RHPN2: variants seen among roughly 807,000 people sequenced by gnomAD.
The protein encoded by RHPN2 is rhophilin-2.
A neutral mutation model predicts 79.0 loss-of-function variants in RHPN2; 40 were observed. That is an observed-to-expected ratio of 0.51 (90% CI 0.39 to 0.66). The LOEUF is 0.66. RHPN2 is among the 30% of genes least tolerant of loss of function. The probability of loss-of-function intolerance (pLI) is 0.00; values close to 1 mark genes in which losing one functional copy is unlikely to be tolerated. For synonymous variants in RHPN2, 285 were observed against 363.5 expected (o/e 0.78, Z 2.46); for missense variants, 686 against 883.5 (o/e 0.78, Z 2.83).
intron 4 of RHPN2, among the ~76,000 whole-genome samples, chr19:33,020,262 A>T (rs1971912399): frequency 2.0e-5 from 3 of 151,870 alleles, no homozygotes; most frequent in Non-Finnish European, 2.9e-5. Flanking sequence ...GTGAATTGAC[A>T]TCTTTGATTT....
chr19:33,041,371 T>G (rs1972098951), intron 2 of RHPN2, among the ~76,000 whole-genome samples: 1 of 152,202 alleles, frequency 6.6e-6, no homozygotes, highest in Admixed American at 6.5e-5. Flanking sequence ...GAGCGGAGCT[T>G]GGCAAAATGC....
At chr19:33,063,778 T>G (rs966870640) in intron 1 of RHPN2, among the ~76,000 whole-genome samples, 21 of 83,448 alleles carry the variant, frequency 2.5e-4, no homozygotes, top group African/African-American at 1.8e-3. Flanking sequence ...CTCCTGGACA[T>G]GCCAAGAACC....
intron 3 of RHPN2, among the ~76,000 whole-genome samples, chr19:33,025,981 G>GTTTTTT (rs71340523): frequency 1.0e-4 from 13 of 129,080 alleles, no homozygotes; most frequent in Non-Finnish European, 8.1e-5. Flanking sequence ...GTGTTCATTT[G>GTTTTTT]TTTTTTTTTT....
chr19:33,059,199 C>T (rs1599838476), intron 1 of RHPN2, among the ~76,000 whole-genome samples: 1 of 152,068 alleles, frequency 6.6e-6, no homozygotes, highest in African/African-American at 2.4e-5. Context: ...TGGCAATCTT[C>T]ACCCCCCGCC....
At position 33,026,516 on chromosome 19, in the gene RHPN2, T is replaced by C; in HGVS notation, c.302A>G (p.Tyr101Cys). The change falls in exon 3 of 15, where the codon TAT becomes TGT. Residue 101 changes from tyrosine (Y) to cysteine (C), a missense_variant. Tyr to Cys is a radical substitution (Grantham distance 194, BLOSUM62 -2). Transcript: ENST00000254260. Reference sequence around the variant, plus strand: ...TGCTCCCACTTACTCTGTGTTCTGATAGACGCCCACCGAGATGTTCAGCCC... The same window carrying C: ...TGCTCCCACTTACTCTGTGTTCTGACAGACGCCCACCGAGATGTTCAGCCC... ...LEGLNISVGV[Y>C]QNTEEAFTIP... The C allele has an allele frequency of 6.3e-7, 1 of 1,587,156 alleles. No individual in the cohort carries two copies. Among genetic ancestry groups the C allele is most frequent in the Non-Finnish European group, 8.5e-7 (1 of 1,171,112 alleles).
intron 1 of RHPN2, among the ~76,000 whole-genome samples, chr19:33,058,996 G>T (rs1189043814): frequency 1.3e-5 from 2 of 152,078 alleles, no homozygotes; most frequent in African/African-American, 4.8e-5. Context: ...TCAGGTGGCT[G>T]AGGCATGAGA....
At chr19:33,021,205 C>G (rs1374910430) in intron 4 of RHPN2, among the ~76,000 whole-genome samples, 1 of 152,126 alleles carries the variant, frequency 6.6e-6, no homozygotes, top group Non-Finnish European at 1.5e-5. Flanking sequence ...CAGAAGCCAT[C>G]AAAGGCAACA....
At chr19:33,017,454 C>T (rs1952437327) in intron 4 of RHPN2, among the ~76,000 whole-genome samples, 1 of 152,068 alleles carries the variant, frequency 6.6e-6, no homozygotes, top group Non-Finnish European at 1.5e-5. Context: ...TCTACAACAG[C>T]AGCAACAGAC....
intron 3 of RHPN2, among the ~76,000 whole-genome samples, chr19:33,022,223 C>T (rs975583908): frequency 3.3e-5 from 5 of 152,178 alleles, no homozygotes; most frequent in African/African-American, 1.2e-4. Flanking sequence ...GCTGGGATGA[C>T]GGGCGTGAGC....
chr19:32,998,193 C>T (rs1264023361), intron 10 of RHPN2, among the ~76,000 whole-genome samples: 2 of 152,158 alleles, frequency 1.3e-5, no homozygotes, highest in Admixed American at 6.5e-5. Context: ...AGACGCACCT[C>T]ATAGTGTTGT....
chr19:33,009,124 A>G (rs1471861979), intron 6 of RHPN2, among the ~76,000 whole-genome samples: 1 of 152,028 alleles, frequency 6.6e-6, no homozygotes, highest in Non-Finnish European at 1.5e-5. Context: ...AGGGAGGGGG[A>G]GCACAAAGGA....
Position 33,036,880 on chromosome 19 carries a change from C to CCA in RHPN2, c.185+7368_185+7369insTG, listed in dbSNP as rs1555713805. On this transcript the variant is annotated intron_variant, in intron 2 of 14. Coordinates refer to ENST00000254260, the MANE Select transcript of RHPN2 (RefSeq NM_033103.5). ...GCCCGCCATGCCTGAGCCCCCCCGC[C>CCA]ACCCTCTGTGGGCTCCTGTGTAGCC... Among the ~76,000 whole-genome samples, 391 of 150,562 alleles carry CCA rather than the reference C, an allele frequency of 2.6e-3. 2 individuals are homozygous for CCA. Among genetic ancestry groups the CCA allele is most frequent in the East Asian group, 4.0e-3 (20 of 5,040 alleles).
At chr19:33,019,640 T>C (rs1159328843) in intron 4 of RHPN2, among the ~76,000 whole-genome samples, 1 of 151,836 alleles carries the variant, frequency 6.6e-6, no homozygotes, top group African/African-American at 2.4e-5. Context: ...GGCACACGCC[T>C]ATAGTACCAG....
chr19:33,037,712 C>T (rs1353173450), intron 2 of RHPN2, among the ~76,000 whole-genome samples: 5 of 152,166 alleles, frequency 3.3e-5, no homozygotes, highest in African/African-American at 1.2e-4. Flanking sequence ...ACCACAAACC[C>T]ACCAGAAGGA....
At chr19:32,995,940 A>T in intron 11 of RHPN2, 86 bp downstream of exon 11, 1 of 1,304,804 alleles carries the variant, frequency 7.7e-7, no homozygotes. Flanking sequence ...GCACACAGCG[A>T]GGGCTCGCTC....
intron 7 of RHPN2, among the ~76,000 whole-genome samples, chr19:33,004,643 G>A (rs1195487088): frequency 6.6e-6 from 1 of 151,590 alleles, no homozygotes; most frequent in Non-Finnish European, 1.5e-5. Context: ...CTGGAGTGCA[G>A]TGGTGTGATT....
chr19:33,032,634 A>G (rs1972022284), intron 2 of RHPN2, among the ~76,000 whole-genome samples: 1 of 152,182 alleles, frequency 6.6e-6, no homozygotes, highest in Non-Finnish European at 1.5e-5. Flanking sequence ...TGATGTCATT[A>G]CACACCACAG....
At position 32,978,736 on chromosome 19, in the gene RHPN2, A is replaced by G. The variant is rs1971550538; in HGVS notation, c.*1260T>C. The G allele has an allele frequency of 6.5e-6, 1 of 152,672 alleles. No individual in the cohort carries two copies. Among genetic ancestry groups the G allele is most frequent in the Non-Finnish European group, 1.5e-5 (1 of 68,046 alleles). 9.5% of individuals were successfully genotyped at this position (152,672 alleles called of 1,614,324 possible). ...TGTCAATCCTTAAAATTAGTCTTCAATGCTATGTATTTTAGCTATGTAACT... is the reference window on the plus strand; with the variant it reads ...TGTCAATCCTTAAAATTAGTCTTCAGTGCTATGTATTTTAGCTATGTAACT... On this transcript the variant is annotated 3_prime_UTR_variant, in exon 15 of 15. Coordinates refer to ENST00000254260, the MANE Select transcript of RHPN2 (RefSeq NM_033103.5).
chr19:33,053,762 A>C (rs1466182124), intron 1 of RHPN2, among the ~76,000 whole-genome samples: 1 of 151,640 alleles, frequency 6.6e-6, no homozygotes, highest in Non-Finnish European at 1.5e-5. Context: ...ACGTGGTTTC[A>C]CCATGTTGGC....
Sources: gnomAD v4.1 joint callset for allele counts (sites outside exome capture counted in the v4.1 genomes callset) on GRCh38, gnomAD v4.1.1 for gene constraint, MANE v1.5 for transcripts, NCBI Gene and HGNC (gene_info 2026-07-23, HGNC 2026-07-21) for gene names.